KLHL8: variants seen among roughly 807,000 people sequenced by gnomAD.
KLHL8 encodes the protein kelch like family member 8.
A neutral mutation model predicts 63.5 loss-of-function variants in KLHL8; 38 were observed. The ratio of observed to expected loss-of-function variants is 0.60; its 90% CI spans 0.46 to 0.78. KLHL8 has a LOEUF of 0.78. Among genes scored for constraint, KLHL8 ranks in the 30% least tolerant of loss-of-function variants. KLHL8 has a pLI of 0.00. For missense variants in KLHL8, 566 were observed against 752.4 expected (o/e 0.75, Z 2.90); for synonymous variants, 224 against 254.3 (o/e 0.88, Z 1.13).
Position 87,170,069 on chromosome 4 carries a change from A to C in KLHL8, c.1537+10T>G. ...ATACTGATATATTAGAGAAATACCC[A>C]TTTACTCACCAACTACGTATAAGCA... is the stretch of plus-strand genomic sequence containing the variant. On this transcript the variant is annotated intron_variant, in intron 8 of 9. Coordinates refer to ENST00000273963, the MANE Select transcript of KLHL8 (RefSeq NM_020803.5). 6.2e-7 allele frequency: 1 copy of C among 1,606,482 alleles called. No homozygotes were observed. The highest frequency in any genetic ancestry group is 8.5e-7 in the Non-Finnish European group (1 of 1,173,962).
At chr4:87,228,237 A>G (rs1434380206) in intron 1 of KLHL8, among the ~76,000 whole-genome samples, 1 of 152,198 alleles carries the variant, frequency 6.6e-6, no homozygotes, top group African/African-American at 2.4e-5. Context: ...TGTTATATAT[A>G]TAGTGCTTTC....
intron 2 of KLHL8, among the ~76,000 whole-genome samples, chr4:87,190,696 A>C (rs1273847499): frequency 6.6e-6 from 1 of 152,060 alleles, no homozygotes; most frequent in Non-Finnish European, 1.5e-5. Flanking sequence ...GCTATAACAA[A>C]CTATCACTGG....
Position 87,164,010 on chromosome 4 carries a change from T to C in KLHL8, c.1607A>G (p.Tyr536Cys). The C allele has an allele frequency of 6.2e-7, 1 of 1,614,200 alleles. No homozygotes were observed. The highest frequency in any genetic ancestry group is 8.5e-7 in the Non-Finnish European group (1 of 1,180,030). ...TCTGGGAGTAGTAAGTGCTGCCACA[T>C]AATCCCACTTGTTGCTTCGGGGGTC... ...RYDPRSNKWD[Y>C]VAALTTPRGG... The change falls in exon 9 of 10, where the codon TAT becomes TGT. Residue 536 changes from tyrosine (Y) to cysteine (C), a missense_variant. Tyr to Cys is a radical substitution (Grantham distance 194). Coordinates refer to ENST00000273963, the MANE Select transcript of KLHL8 (RefSeq NM_020803.5).
chr4:87,216,340 G>A (rs1049662271), intron 1 of KLHL8, among the ~76,000 whole-genome samples: 4 of 152,028 alleles, frequency 2.6e-5, no homozygotes, highest in East Asian at 1.9e-4. Flanking sequence ...TTTCCTTTCC[G>A]CAATATAACC....
intron 1 of KLHL8, among the ~76,000 whole-genome samples, chr4:87,204,269 T>A (rs1244859895): frequency 6.6e-6 from 1 of 151,710 alleles, no homozygotes; most frequent in East Asian, 1.9e-4. Context: ...CCACTACACA[T>A]CTATTAGAAT....
intron 1 of KLHL8, among the ~76,000 whole-genome samples, chr4:87,236,210 C>CTTTTTTTT (rs35028616): frequency 7.4e-6 from 1 of 135,842 alleles, no homozygotes. Context: ...TTTCCTTTTC[C>CTTTTTTTT]TTTTTTTTTT....
In KLHL8 at chr4:87,207,919, C is replaced by T. The variant is rs535963084; in HGVS notation, c.-151-12229G>A. ...CAAGGGCATCCTGGGCTACACTGAG[C>T]ACCAGGCTGTCTCCTCCAACTTCAA... On this transcript the variant is annotated intron_variant, in intron 1 of 9. Transcript: ENST00000273963. The T allele has an allele frequency of 4.2e-5, 53 of 1,268,606 alleles. No individual in the cohort carries two copies. The African/African-American group carries it at 7.6e-4, about 18-fold the overall frequency. The allele number at this position is 1,268,606 out of a possible 1,614,324, so 78.6% of individuals were successfully genotyped here. A position where few individuals can be genotyped will look rare whatever the true frequency, so the allele number is the denominator to read the frequency against.
At chr4:87,215,662 A>G (rs996595368) in intron 1 of KLHL8, among the ~76,000 whole-genome samples, 1 of 152,222 alleles carries the variant, frequency 6.6e-6, no homozygotes, top group African/African-American at 2.4e-5. Context: ...CCCAGCAATC[A>G]TTATACAAGG....
At chr4:87,219,236 C>A (rs1265286587) in intron 1 of KLHL8, among the ~76,000 whole-genome samples, 1 of 152,164 alleles carries the variant, frequency 6.6e-6, no homozygotes, top group African/African-American at 2.4e-5. Flanking sequence ...AAGCAGCGTT[C>A]CAGGCGCCAG....
At chr4:87,229,453 G>A (rs1205949521) in intron 1 of KLHL8, among the ~76,000 whole-genome samples, 1 of 150,796 alleles carries the variant, frequency 6.6e-6, no homozygotes, top group African/African-American at 2.4e-5. Flanking sequence ...GGGGGTGCAG[G>A]GAACAGGGTC....
At position 87,161,693 on chromosome 4, in the gene KLHL8, G is replaced by C. The variant is rs1730182149; in HGVS notation, c.*1826C>G. The C allele has an allele frequency of 6.6e-6, 1 of 152,234 alleles. No homozygotes were observed. Among genetic ancestry groups the C allele is most frequent in the East Asian group, 1.9e-4 (1 of 5,190 alleles). The allele number at this position is 152,234 out of a possible 1,614,324, so 9.4% of individuals were successfully genotyped here. ...ACATAAGAAATAGACATTGAAGCCAGGTTTTGACACTTATTCTCCACATCC... is the reference window on the plus strand; with the variant it reads ...ACATAAGAAATAGACATTGAAGCCACGTTTTGACACTTATTCTCCACATCC... On this transcript the variant is annotated 3_prime_UTR_variant, in exon 10 of 10. Coordinates refer to ENST00000273963, the MANE Select transcript of KLHL8 (RefSeq NM_020803.5).
chr4:87,168,471 T>C (rs984894298), intron 8 of KLHL8, among the ~76,000 whole-genome samples: 2 of 146,064 alleles, frequency 1.4e-5, no homozygotes, highest in African/African-American at 2.7e-5. Context: ...CAGTGAAATT[T>C]AGACAAGAAA....
chr4:87,164,039 C>G lies in KLHL8; in HGVS notation c.1578G>C (p.Arg526=). ...CCCACTTGTTGCTTCGGGGGTCATACCGCTCAACTGAACTCAGAGGAGAAT... is the reference window on the plus strand; with the variant it reads ...CCCACTTGTTGCTTCGGGGGTCATAGCGCTCAACTGAACTCAGAGGAGAAT... ...DDNSPLSSVE[R]YDPRSNKWDY... The change falls in exon 9 of 10, where the codon CGG becomes CGC. Residue 526 remains arginine, a synonymous_variant. Coordinates refer to ENST00000273963, the MANE Select transcript of KLHL8 (RefSeq NM_020803.5). The G allele has an allele frequency of 6.2e-7, 1 of 1,614,142 alleles. No homozygotes were observed. Among genetic ancestry groups the G allele is most frequent in the South Asian group, 1.1e-5 (1 of 91,082 alleles).
intron 1 of KLHL8, among the ~76,000 whole-genome samples, chr4:87,214,717 T>C (rs1732534030): frequency 6.6e-6 from 1 of 151,862 alleles, no homozygotes; most frequent in South Asian, 2.1e-4. Flanking sequence ...TATGTGTAAA[T>C]GACAATGAGA....
rs1730928823 is a variant in KLHL8 at position 87,178,624 on chromosome 4, A to C, written c.953-4T>G. ...CCACCTACACAAAACAGCACACCTA[A>C]AGGTAAAGCCACAAAATAGAGATAA... On this transcript the variant is annotated splice_polypyrimidine_tract_variant and splice_region_variant and intron_variant, in intron 4 of 9. Transcript: ENST00000273963. The C allele has an allele frequency of 1.3e-6, 2 of 1,558,368 alleles. No individual in the cohort carries two copies. Among genetic ancestry groups the C allele is most frequent in the Non-Finnish European group, 1.7e-6 (2 of 1,158,776 alleles).
chr4:87,178,493 A>G lies in KLHL8; in HGVS notation c.1080T>C (p.Gly360=), dbSNP rs1730916410. The G allele has an allele frequency of 1.2e-6, 2 of 1,610,356 alleles. No individual in the cohort carries two copies. The highest frequency in any genetic ancestry group is 1.1e-5 in the South Asian group (1 of 90,158). ...PEMNSRRRHV[G]VISVEGKVYA... The stretch of plus-strand genomic sequence containing the variant: ...TGGACCCACCTTCCACAGAGATTAC[A>G]CCCACATGTCGCCTTCGACTATTCA... The change falls in exon 5 of 10, where the codon GGT becomes GGC. Residue 360 remains glycine (G), a synonymous_variant. Coordinates refer to ENST00000273963, the MANE Select transcript of KLHL8 (RefSeq NM_020803.5).
intron 2 of KLHL8, among the ~76,000 whole-genome samples, chr4:87,189,838 G>A (rs1731410369): frequency 6.6e-6 from 1 of 151,558 alleles, no homozygotes; most frequent in Non-Finnish European, 1.5e-5. Context: ...GACCATCCTG[G>A]CTAACATGGT....
At chr4:87,204,517 C>CAT (rs1157747152) in intron 1 of KLHL8, among the ~76,000 whole-genome samples, 2 of 152,144 alleles carry the variant, frequency 1.3e-5, no homozygotes, top group Non-Finnish European at 2.9e-5. Flanking sequence ...CATATGAAAA[C>CAT]ATATAGCAGC....
chr4:87,162,943 AGTG>A lies in KLHL8; in HGVS notation c.*573_*575del, dbSNP rs1185349357. 1.3e-5 allele frequency: 2 copies of A among 152,236 alleles called. No homozygotes were observed. The highest frequency in any genetic ancestry group is 2.9e-5 in the Non-Finnish European group (2 of 68,050). The allele number at this position is 152,236 out of a possible 1,614,324, so 9.4% of individuals were successfully genotyped here. On this transcript the variant is annotated 3_prime_UTR_variant, in exon 10 of 10. Transcript: ENST00000273963. Reference sequence around the variant, plus strand: ...CTATAAGCTTCTGAAAATGCAGCTAAGTGGCATTCAAAAAGACAGAACATTTTT... The same window carrying A: ...CTATAAGCTTCTGAAAATGCAGCTAAGCATTCAAAAAGACAGAACATTTTT...
Sources: gnomAD v4.1 joint callset for allele counts (sites outside exome capture counted in the v4.1 genomes callset) on GRCh38, gnomAD v4.1.1 for gene constraint, MANE v1.5 for transcripts, NCBI Gene and HGNC (gene_info 2026-07-23, HGNC 2026-07-21) for gene names.